The following MCPH1 variants were observed in gnomAD, a reference collection of about 807,000 sequenced individuals.
MCPH1 encodes the protein microcephalin.
A neutral mutation model predicts 84.5 loss-of-function variants in MCPH1; 104 were observed. That is an observed-to-expected ratio of 1.23 (90% CI 1.05 to 1.45). MCPH1 has a LOEUF of 1.45. Among genes scored for constraint, MCPH1 ranks in the 40% most tolerant of loss-of-function variants. MCPH1 has a pLI of 0.00. For missense variants in MCPH1, 1,498 were observed against 1,005.7 expected, an observed-to-expected ratio of 1.49 and a Z score of -6.62; for synonymous variants, 514 against 366.8, an observed-to-expected ratio of 1.40 and a Z score of -4.58.
At chr8:6,562,945 G>T (rs1179863242) in intron 12 of MCPH1, 1 of 1,571,096 alleles carries the variant, frequency 6.4e-7, no homozygotes, top group African/African-American at 1.3e-5. Flanking sequence ...TCTTTCTTCA[G>T]TAATAAACCA....
intron 12 of MCPH1, chr8:6,562,825 T>A (rs1204517402): frequency 2.5e-6 from 4 of 1,614,048 alleles, no homozygotes; most frequent in Non-Finnish European, 3.4e-6. Flanking sequence ...GGACCCATGC[T>A]GGACCTGATA....
chr8:6,460,333 G>C (rs1383792532), intron 9 of MCPH1, among the ~76,000 whole-genome samples: 1 of 151,614 alleles, frequency 6.6e-6, no homozygotes, highest in Non-Finnish European at 1.5e-5. Flanking sequence ...TCCATATACT[G>C]AGTTTTAACA....
At chr8:6,417,908 C>T (rs1036997533) in intron 3 of MCPH1, among the ~76,000 whole-genome samples, 4 of 152,166 alleles carry the variant, frequency 2.6e-5, no homozygotes, top group Middle Eastern at 3.2e-3. Context: ...ACTCTGGATT[C>T]TTTTCTATTG....
At chr8:6,576,047 TTAAAA>T (rs1196803761) in intron 12 of MCPH1, among the ~76,000 whole-genome samples, 2,460 of 138,372 alleles carry the variant, frequency 0.018, 36 homozygotes, top group Middle Eastern at 0.037. Context: ...TAATACAGCC[TTAAAA>T]AAAAAAAAAA....
intron 12 of MCPH1, among the ~76,000 whole-genome samples, chr8:6,612,794 C>A (rs963435236): frequency 6.6e-6 from 1 of 152,222 alleles, no homozygotes; most frequent in African/African-American, 2.4e-5. Flanking sequence ...GACTGAGAAC[C>A]GCCTGTGAAC....
intron 4 of MCPH1, among the ~76,000 whole-genome samples, chr8:6,435,067 T>G (rs749758542): frequency 1.4e-4 from 21 of 152,310 alleles, no homozygotes; most frequent in Admixed American, 9.8e-4. Flanking sequence ...ACCCAAGACC[T>G]TCCTGTGGAT....
At chr8:6,406,896 T>TC (rs1205523928) in intron 1 of MCPH1, among the ~76,000 whole-genome samples, 2 of 25,808 alleles carry the variant, frequency 7.7e-5, no homozygotes, top group Non-Finnish European at 1.7e-4. Flanking sequence ...CCGCTGCCTG[T>TC]CCCCCCAAAA....
Position 6,644,166 on chromosome 8 carries a change from C to G in MCPH1, c.*1117C>G, listed in dbSNP as rs1586911262. On this transcript the variant is annotated 3_prime_UTR_variant, in exon 14 of 14. Coordinates refer to ENST00000344683, the MANE Select transcript of MCPH1 (RefSeq NM_024596.5). Reference sequence around the variant, plus strand: ...TCAGGAGTCTGAGGCAGAAGAATCGCTTGAACCCAAGAGGCAGAGGTTGCA... The same window carrying G: ...TCAGGAGTCTGAGGCAGAAGAATCGGTTGAACCCAAGAGGCAGAGGTTGCA... The G allele has an allele frequency of 1.3e-5, 2 of 152,374 alleles. No homozygotes were observed. The highest frequency in any genetic ancestry group is 6.8e-3 in the Middle Eastern group (2 of 294). 9.4% of individuals were successfully genotyped at this position (152,374 alleles called of 1,614,324 possible). A position where few individuals can be genotyped will look rare whatever the true frequency, so the allele number is the denominator to read the frequency against.
chr8:6,503,072 G>C, intron 12 of MCPH1: 6 of 1,613,392 alleles, frequency 3.7e-6, no homozygotes, highest in Non-Finnish European at 5.1e-6. Context: ...AAAATAGTTC[G>C]AGACAGTTCC....
At chr8:6,614,600 A>G (rs1455593819) in intron 12 of MCPH1, among the ~76,000 whole-genome samples, 1 of 152,198 alleles carries the variant, frequency 6.6e-6, no homozygotes, top group African/African-American at 2.4e-5. Context: ...CTAACGCCCA[A>G]TCTGCAGCCA....
At chr8:6,480,686 T>A (rs777184229) in intron 10 of MCPH1, 28 bp from the exon 11 acceptor site, 35 of 1,613,824 alleles carry the variant, frequency 2.2e-5, no homozygotes, top group Non-Finnish European at 2.9e-5. Context: ...AGTCATTCAT[T>A]TTGTTAATTT....
Position 6,647,230 on chromosome 8 carries a change from T to C in MCPH1, c.*4181T>C, listed in dbSNP as rs910119531. ...AATTAAAGGCCCAATGAAATACCTATTACACACCCATTAGAATGACTGTAA... is the reference window on the plus strand; with the variant it reads ...AATTAAAGGCCCAATGAAATACCTACTACACACCCATTAGAATGACTGTAA... On this transcript the variant is annotated 3_prime_UTR_variant, in exon 14 of 14. Coordinates refer to ENST00000344683, the MANE Select transcript of MCPH1 (RefSeq NM_024596.5). 6.6e-6 allele frequency: 1 copy of C among 152,156 alleles called. No homozygotes were observed. Among genetic ancestry groups the C allele is most frequent in the Non-Finnish European group, 1.5e-5 (1 of 68,032 alleles). The allele number at this position is 152,156 out of a possible 1,614,324, so 9.4% of individuals were successfully genotyped here. A position where few individuals can be genotyped will look rare whatever the true frequency, so the allele number is the denominator to read the frequency against.
intron 9 of MCPH1, among the ~76,000 whole-genome samples, chr8:6,458,061 G>A (rs1805889776): frequency 6.6e-6 from 1 of 152,004 alleles, no homozygotes; most frequent in Non-Finnish European, 1.5e-5. Flanking sequence ...TACAGCCTTG[G>A]GACTTTTAGA....
intron 13 of MCPH1, among the ~76,000 whole-genome samples, chr8:6,629,486 A>G (rs1796999459): frequency 6.6e-6 from 1 of 152,130 alleles, no homozygotes; most frequent in Non-Finnish European, 1.5e-5. Flanking sequence ...AAAATAAAGG[A>G]AGACAAAGAA....
intron 12 of MCPH1, among the ~76,000 whole-genome samples, chr8:6,557,228 C>G (rs1014237551): frequency 2.0e-5 from 3 of 152,148 alleles, no homozygotes; most frequent in Non-Finnish European, 4.4e-5. Context: ...GCTGGGCAAT[C>G]CATACAAGGC....
chr8:6,439,372 T>TTA (rs1554489771), intron 6 of MCPH1, among the ~76,000 whole-genome samples: 14 of 144,204 alleles, frequency 9.7e-5, no homozygotes, highest in East Asian at 2.0e-4. Flanking sequence ...TCTTTTTTTT[T>TTA]AAAAAAAAAT....
intron 9 of MCPH1, among the ~76,000 whole-genome samples, chr8:6,458,776 C>G (rs1805968320): frequency 6.6e-6 from 1 of 152,054 alleles, no homozygotes; most frequent in African/African-American, 2.4e-5. Context: ...TCCTTAGTAG[C>G]TGGAACCACA....
At chr8:6,613,448 G>T (rs982269001) in intron 12 of MCPH1, among the ~76,000 whole-genome samples, 3 of 152,156 alleles carry the variant, frequency 2.0e-5, no homozygotes, top group African/African-American at 4.8e-5. Context: ...GGGAGTCACG[G>T]GGGGGTGGTG....
chr8:6,446,086 A>G (rs1157558174), intron 8 of MCPH1: 1 of 978,940 alleles, frequency 1.0e-6, no homozygotes, highest in Non-Finnish European at 1.2e-6. Context: ...ACATTTAAAC[A>G]TTTTTGATCA....
Sources: gnomAD v4.1 joint callset for allele counts (sites outside exome capture counted in the v4.1 genomes callset) on GRCh38, gnomAD v4.1.1 for gene constraint, MANE v1.5 for transcripts, NCBI Gene and HGNC (gene_info 2026-07-23, HGNC 2026-07-21) for gene names.